The following PCM1 variants were observed in gnomAD, a reference collection of about 807,000 sequenced individuals.
PCM1 encodes pericentriolar material 1 protein.
A neutral mutation model predicts 241.9 loss-of-function variants in PCM1; 157 were observed. The observed-to-expected ratio is 0.65, with a 90% CI of 0.57 to 0.74. PCM1 has a LOEUF of 0.74. Among genes scored for constraint, PCM1 ranks in the 30% least tolerant of loss-of-function variants. The pLI is 0.00. For synonymous variants in PCM1, 1,085 were observed against 784.9 expected (o/e 1.38, Z -6.39); for missense variants, 3,478 against 2,360.1 (o/e 1.47, Z -9.81).
At chr8:17,969,339 T>C in intron 21 of PCM1, 1 of 381,858 alleles carries the variant, frequency 2.6e-6, no homozygotes, top group Middle Eastern at 7.0e-4. Context: ...GGTACCATTA[T>C]TTCTAACTTT....
chr8:17,972,754 CATAG>C (rs1167353910), intron 23 of PCM1, 67 bp downstream of exon 23: 2 of 945,458 alleles, frequency 2.1e-6, no homozygotes, highest in Non-Finnish European at 3.0e-6. Context: ...GACATGTTGA[CATAG>C]ATATAGTTTC....
At chr8:18,014,231 A>G (rs1346440770) in intron 35 of PCM1, among the ~76,000 whole-genome samples, 195 bp downstream of exon 35, 1 of 152,164 alleles carries the variant, frequency 6.6e-6, no homozygotes, top group African/African-American at 2.4e-5. Context: ...AACAATAAAG[A>G]AAAGGTGACA....
At chr8:17,932,625 G>C (rs1028125873) in intron 2 of PCM1, among the ~76,000 whole-genome samples, 1 of 151,198 alleles carries the variant, frequency 6.6e-6, no homozygotes, top group Non-Finnish European at 1.5e-5. Context: ...GTATTTCTTT[G>C]AGATTTTTTT....
intron 29 of PCM1, among the ~76,000 whole-genome samples, chr8:17,994,180 C>T (rs1021202339): frequency 1.3e-5 from 2 of 152,080 alleles, no homozygotes; most frequent in Non-Finnish European, 2.9e-5. Context: ...TTCCCTATTC[C>T]CTACTACCTT....
At chr8:17,957,803 C>G (rs180852075) in intron 13 of PCM1, 28 bp downstream of exon 13, 1 of 1,483,488 alleles carries the variant, frequency 6.7e-7, no homozygotes, top group Non-Finnish European at 9.4e-7. Flanking sequence ...TTTTAAAAAC[C>G]TATTTGTCAA....
chr8:17,996,725 T>A (rs570832737), intron 29 of PCM1, among the ~76,000 whole-genome samples: 1 of 152,344 alleles, frequency 6.6e-6, no homozygotes, highest in African/African-American at 2.4e-5. Flanking sequence ...GGATTGCAAA[T>A]ACTGTCTTAT....
At chr8:18,025,002 G>C (rs1188019496) in intron 36 of PCM1, 1 of 165,722 alleles carries the variant, frequency 6.0e-6, no homozygotes, top group African/African-American at 2.4e-5. Context: ...TGAAAAGTTT[G>C]TAAGTGGTTA....
At chr8:17,964,857 A>G in intron 18 of PCM1, 89 bp downstream of exon 18, 2 of 919,560 alleles carry the variant, frequency 2.2e-6, no homozygotes, top group Non-Finnish European at 3.5e-6. Flanking sequence ...TCTCCAAGCC[A>G]ACTGAATGTC....
At chr8:17,939,038 C>A in intron 5 of PCM1, 29 bp downstream of exon 5, 1 of 1,607,796 alleles carries the variant, frequency 6.2e-7, no homozygotes, top group Non-Finnish European at 8.5e-7. Context: ...TTTGCTCATT[C>A]TTTACACAAA....
chr8:17,938,210 G>T (rs1449463863), intron 4 of PCM1, among the ~76,000 whole-genome samples: 3 of 152,124 alleles, frequency 2.0e-5, no homozygotes, highest in African/African-American at 7.2e-5. Flanking sequence ...AACATGAGTG[G>T]AAAATTTAAC....
chr8:17,935,383 T>G (rs2060124548), intron 2 of PCM1, among the ~76,000 whole-genome samples: 1 of 152,214 alleles, frequency 6.6e-6, no homozygotes, highest in Non-Finnish European at 1.5e-5. Flanking sequence ...CCTTTCCTTC[T>G]CTGTCATTCC....
At chr8:17,965,895 A>G in intron 18 of PCM1, 104 bp from the exon 19 acceptor site, 1 of 705,816 alleles carries the variant, frequency 1.4e-6, no homozygotes, top group South Asian at 2.2e-5. Context: ...CTTTTAATTT[A>G]AAACAGAATA....
chr8:17,963,988 C>T (rs918498723), intron 17 of PCM1, among the ~76,000 whole-genome samples: 1 of 152,112 alleles, frequency 6.6e-6, no homozygotes, highest in African/African-American at 2.4e-5. Context: ...TTATTCTGTT[C>T]TGGGTACTAC....
chr8:17,986,579 C>G (rs2082677148), intron 26 of PCM1, among the ~76,000 whole-genome samples: 2 of 150,764 alleles, frequency 1.3e-5, no homozygotes, highest in South Asian at 2.1e-4. Context: ...GTAAAAAGGA[C>G]CTGGAAATGG....
chr8:17,986,142 A>G, intron 26 of PCM1, 55 bp downstream of exon 26: 2 of 1,202,826 alleles, frequency 1.7e-6, no homozygotes, highest in Non-Finnish European at 2.3e-6. Context: ...GCAGTAAATA[A>G]AAGTTAAATA....
At chr8:17,929,704 T>C (rs1782567475) in intron 2 of PCM1, among the ~76,000 whole-genome samples, 1 of 152,198 alleles carries the variant, frequency 6.6e-6, no homozygotes, top group African/African-American at 2.4e-5. Flanking sequence ...TCTGCCCTAT[T>C]CTGTGTGGGA....
At position 17,985,971 on chromosome 8, in the gene PCM1, A is replaced by G. The variant is rs1342512512; in HGVS notation, c.4294A>G (p.Arg1432Gly). 4 of 1,558,794 alleles carry G rather than the reference A, an allele frequency of 2.6e-6. No homozygotes were observed. The highest frequency in any genetic ancestry group is 3.5e-6 in the Non-Finnish European group (4 of 1,137,846). Residue 1432 changes from arginine to glycine, a missense_variant, in exon 26 of 39, where the codon AGA (arginine) becomes GGA (glycine). Physicochemically the swap from Arg to Gly is moderately radical, Grantham distance 125 (BLOSUM62 -2). Coordinates refer to ENST00000325083, the MANE Select transcript of PCM1 (RefSeq NM_006197.4). The part of the protein sequence containing the change: ...ALYALQDIVS[R>G]HISESHEKGE... ...TTTTCTTATTTAGGACATAGTATCC[A>G]GACATATTTCTGAGAGCCATGAAAA...
chr8:18,014,061 AT>A, intron 35 of PCM1, 25 bp downstream of exon 35: 1 of 1,244,312 alleles, frequency 8.0e-7, no homozygotes, highest in Non-Finnish European at 1.1e-6. Context: ...TAAGTCTTTG[AT>A]TTTAAGATAA....
intron 18 of PCM1, among the ~76,000 whole-genome samples, 166 bp from the exon 19 acceptor site, chr8:17,965,833 G>A (rs1359282814): frequency 6.6e-6 from 1 of 152,176 alleles, no homozygotes; most frequent in African/African-American, 2.4e-5. Flanking sequence ...ATTGTACAAA[G>A]CTAAAGATCT....
Sources: allele counts gnomAD v4.1 joint callset (sites outside exome capture counted in the v4.1 genomes callset), GRCh38; gene constraint gnomAD v4.1.1; transcripts MANE v1.5; gene names NCBI Gene and HGNC (gene_info 2026-07-23, HGNC 2026-07-21).